Variants in FBXO42 observed in about 807,000 individuals in gnomAD.
FBXO42 encodes F-box only protein 42.
A neutral mutation model predicts 71.7 loss-of-function variants in FBXO42; 12 were observed. The ratio of observed to expected loss-of-function variants is 0.17; its 90% CI spans 0.11 to 0.27. The LOEUF is 0.27. Among genes scored for constraint, FBXO42 ranks in the 10% least tolerant of loss-of-function variants. The probability of loss-of-function intolerance (pLI) is 1.00; values close to 1 mark genes in which losing one functional copy is unlikely to be tolerated. For synonymous variants in FBXO42, 325 were observed against 327.5 expected (o/e 0.99, Z 0.08); for missense variants, 707 against 911.9 (o/e 0.78, Z 2.89).
At chr1:16,350,640 A>T (rs2082691217) in intron 1 of FBXO42, among the ~76,000 whole-genome samples, 1 of 149,908 alleles carries the variant, frequency 6.7e-6, no homozygotes, top group African/African-American at 2.4e-5. Flanking sequence ...CCAGCTACTC[A>T]GGAAGCTGAG....
intron 4 of FBXO42, among the ~76,000 whole-genome samples, chr1:16,288,549 T>C (rs1330589925): frequency 1.3e-5 from 2 of 151,830 alleles, no homozygotes; most frequent in Non-Finnish European, 2.9e-5. Flanking sequence ...AAAACTAACC[T>C]CTCCCAAATA....
At position 16,248,035 on chromosome 1, in the gene FBXO42, G is replaced by C. The variant is rs928916869; in HGVS notation, c.*2635C>G. On this transcript the variant is annotated 3_prime_UTR_variant, in exon 10 of 10. Coordinates refer to ENST00000375592, the MANE Select transcript of FBXO42 (RefSeq NM_018994.3). ...ATAAATATTTGCTTCAGGTGCTCCT[G>C]AGGGTTAAAAAAAATTTAGTCTCAT... is the stretch of plus-strand genomic sequence containing the variant. 1.3e-5 allele frequency: 2 copies of C among 152,154 alleles called. No individual in the cohort carries two copies. The highest frequency in any genetic ancestry group is 4.8e-5 in the African/African-American group (2 of 41,432). 9.4% of individuals were successfully genotyped at this position (152,154 alleles called of 1,614,324 possible).
At chr1:16,262,962 C>T (rs2081731118) in intron 4 of FBXO42, among the ~76,000 whole-genome samples, 3 of 151,742 alleles carry the variant, frequency 2.0e-5, no homozygotes, top group South Asian at 4.2e-4. Flanking sequence ...CTGCCCGCCT[C>T]GGCCTCCCAA....
rs1194702571 is a variant in FBXO42, at chr1:16,315,204, G to A, written c.215C>T (p.Ala72Val). The A allele has an allele frequency of 3.1e-6, 5 of 1,614,006 alleles. No individual in the cohort carries two copies. Among genetic ancestry groups the A allele is most frequent in the Non-Finnish European group, 4.2e-6 (5 of 1,179,930 alleles). ...TCGATACCACTGTTTGCAGACAAGG[G>A]CCGCAGTTTTGTGTTCCTGATACGG... ...LSPYQEHKTA[A>V]LVCKQWYRLI... Residue 72 changes from alanine to valine, a missense_variant, in exon 2 of 10, where the codon GCC becomes GTC. By Grantham distance (64) the Ala-to-Val change is moderately conservative (BLOSUM62 0). Around this residue, in one of 5 missense-constraint regions of FBXO42, gnomAD observed 188 missense variants for 230.5 expected, o/e 0.82. Transcript: ENST00000375592.
At chr1:16,276,379 CAAA>C (rs34711223) in intron 4 of FBXO42, among the ~76,000 whole-genome samples, 9 of 97,386 alleles carry the variant, frequency 9.2e-5, no homozygotes, top group Admixed American at 3.7e-4. Flanking sequence ...CACTCTGTCT[CAAA>C]AAAAAAAAAA....
chr1:16,267,381 T>C (rs2081788062), intron 4 of FBXO42, among the ~76,000 whole-genome samples: 1 of 152,134 alleles, frequency 6.6e-6, no homozygotes, highest in Admixed American at 6.5e-5. Context: ...GAGTGCTCTT[T>C]AATTGCAGTT....
chr1:16,258,910 A>T (rs927399794), intron 4 of FBXO42, among the ~76,000 whole-genome samples: 1 of 151,974 alleles, frequency 6.6e-6, no homozygotes, highest in South Asian at 2.1e-4. Context: ...GCTAATTTTT[A>T]AAATTTTTTT....
At chr1:16,328,027 T>C (rs777294565) in intron 1 of FBXO42, among the ~76,000 whole-genome samples, 64 of 152,178 alleles carry the variant, frequency 4.2e-4, no homozygotes, top group Non-Finnish European at 7.8e-4. Flanking sequence ...ATCAAAATGA[T>C]AGACATATCC....
chr1:16,335,981 G>C (rs1469575587), intron 1 of FBXO42, among the ~76,000 whole-genome samples: 1 of 151,640 alleles, frequency 6.6e-6, no homozygotes, highest in Admixed American at 6.6e-5. Context: ...GCCCAGGCTG[G>C]AGTACAATGG....
chr1:16,305,453 C>T (rs935187589), intron 3 of FBXO42, among the ~76,000 whole-genome samples: 20 of 152,020 alleles, frequency 1.3e-4, no homozygotes, highest in Non-Finnish European at 8.8e-5. Context: ...TCGTGGCTCA[C>T]GTTATGTAAT....
chr1:16,315,149 C>A lies in FBXO42; in HGVS notation c.250+20G>T. 1.9e-6 allele frequency: 3 copies of A among 1,569,060 alleles called. No individual in the cohort carries two copies. Among genetic ancestry groups the A allele is most frequent in the South Asian group, 1.2e-5 (1 of 84,256 alleles). On this transcript the variant is annotated intron_variant, in intron 2 of 9. Coordinates refer to ENST00000375592, the MANE Select transcript of FBXO42 (RefSeq NM_018994.3). Reference sequence around the variant, plus strand: ...TGAAATTTGAAATCAATAAATAAACCTTTCTCCTATCCACAGTACCTTTGA... The same window carrying A: ...TGAAATTTGAAATCAATAAATAAACATTTCTCCTATCCACAGTACCTTTGA...
At chr1:16,265,432 G>A (rs1268609517) in intron 4 of FBXO42, among the ~76,000 whole-genome samples, 1 of 152,086 alleles carries the variant, frequency 6.6e-6, no homozygotes, top group Admixed American at 6.6e-5. Flanking sequence ...TCATTTTTTA[G>A]TATTAGTTTA....
intron 4 of FBXO42, among the ~76,000 whole-genome samples, chr1:16,280,667 T>C (rs2081954328): frequency 6.6e-6 from 1 of 152,126 alleles, no homozygotes; most frequent in Admixed American, 6.6e-5. Flanking sequence ...TCCCAGCTTC[T>C]TGGGGGCTGA....
At chr1:16,283,625 T>C (rs2081990200) in intron 4 of FBXO42, among the ~76,000 whole-genome samples, 1 of 149,864 alleles carries the variant, frequency 6.7e-6, no homozygotes, top group Non-Finnish European at 1.5e-5. Context: ...GCCTCCCGAG[T>C]AGCTGGGATT....
chr1:16,294,710 AATG>A, intron 4 of FBXO42, 70 bp downstream of exon 4: 1 of 1,532,320 alleles, frequency 6.5e-7, no homozygotes. Context: ...CAACACCAAA[AATG>A]ATCAGGTAGA....
At chr1:16,340,950 AATTT>A (rs1397436325) in intron 1 of FBXO42, among the ~76,000 whole-genome samples, 2 of 151,964 alleles carry the variant, frequency 1.3e-5, no homozygotes, top group Admixed American at 1.3e-4. Context: ...ACCATACCAA[AATTT>A]ATTTATAAAA....
rs543129105 is a variant in FBXO42, at chr1:16,350,606, G to T, written c.-18+1649C>A. Among the ~76,000 whole-genome samples, 13 of 149,454 alleles carry T rather than the reference G, an allele frequency of 8.7e-5. No individual in the cohort carries two copies. In the South Asian group the frequency reaches 2.3e-3, roughly 27 times the overall value. On this transcript the variant is annotated intron_variant, in intron 1 of 9. Transcript: ENST00000375592. ...AAAAAAAAAAAAAAAAAATTAGCGGGCGTGGTGGCGCACACCTGTAATCCC... is the reference window on the plus strand; with the variant it reads ...AAAAAAAAAAAAAAAAAATTAGCGGTCGTGGTGGCGCACACCTGTAATCCC...
At chr1:16,290,819 T>A (rs2082069513) in intron 4 of FBXO42, among the ~76,000 whole-genome samples, 1 of 152,218 alleles carries the variant, frequency 6.6e-6, no homozygotes, top group African/African-American at 2.4e-5. Flanking sequence ...GATTCTCATC[T>A]TGAATTTCCA....
intron 1 of FBXO42, among the ~76,000 whole-genome samples, chr1:16,339,443 G>A (rs1027548302): frequency 6.6e-6 from 1 of 152,130 alleles, no homozygotes; most frequent in African/African-American, 2.4e-5. Flanking sequence ...CTCCCGAGTA[G>A]CTGGGACTAC....
Sources: gnomAD v4.1 joint callset for allele counts (sites outside exome capture counted in the v4.1 genomes callset) on GRCh38, gnomAD v4.1.1 for gene constraint, gnomAD v4.1.1 regional missense constraint, MANE v1.5 for transcripts, NCBI Gene and HGNC (gene_info 2026-07-23, HGNC 2026-07-21) for gene names.